The following FRRS1 variants were observed in gnomAD, a reference collection of about 807,000 sequenced individuals.
FRRS1 encodes ferric chelate reductase 1.
In FRRS1, 51 loss-of-function variants were observed where a neutral mutation model predicts 70.7. That is an observed-to-expected ratio of 0.72 (90% CI 0.58 to 0.91). The LOEUF (loss-of-function observed/expected upper bound fraction) is 0.91. Among genes scored for constraint, FRRS1 ranks in the 40% least tolerant of loss-of-function variants. The probability of loss-of-function intolerance (pLI) is 0.00; values close to 1 mark genes in which losing one functional copy is unlikely to be tolerated. For missense variants in FRRS1, 672 were observed against 726.0 expected, an observed-to-expected ratio of 0.93 and a Z score of 0.86; for synonymous variants, 225 against 238.7, an observed-to-expected ratio of 0.94 and a Z score of 0.53.
At chr1:99,752,605 A>C (rs1656624222) in intron 1 of FRRS1, among the ~76,000 whole-genome samples, 1 of 152,196 alleles carries the variant, frequency 6.6e-6, no homozygotes, top group Non-Finnish European at 1.5e-5. Flanking sequence ...TATAATGAAA[A>C]AGTTTAGAAA....
chr1:99,730,605 C>G (rs577270357), intron 7 of FRRS1, among the ~76,000 whole-genome samples: 1 of 152,096 alleles, frequency 6.6e-6, no homozygotes, highest in African/African-American at 2.4e-5. Flanking sequence ...AGGTGGCTCA[C>G]GCCTGTAGTC....
intron 5 of FRRS1, among the ~76,000 whole-genome samples, 154 bp from the exon 6 acceptor site, chr1:99,741,094 C>T (rs1166401108): frequency 6.6e-6 from 1 of 152,114 alleles, no homozygotes; most frequent in African/African-American, 2.4e-5. Context: ...AATCTCTAAC[C>T]ACTCTCTCCC....
At chr1:99,756,748 T>A (rs2788506) in intron 1 of FRRS1, among the ~76,000 whole-genome samples, 75,166 of 152,056 alleles carry the variant, frequency 0.49, 22,597 homozygotes, top group African/African-American at 0.85. Flanking sequence ...ACAATCTTTT[T>A]AAACCATGTC....
In FRRS1 at chr1:99,728,646, AAC is replaced by A; in HGVS notation, c.859-8_859-7del. On this transcript the variant is annotated splice_polypyrimidine_tract_variant and splice_region_variant and intron_variant, in intron 8 of 16. Coordinates refer to ENST00000646001, the MANE Select transcript of FRRS1 (RefSeq NM_001361041.2). The stretch of plus-strand genomic sequence containing the variant: ...GCCATATCCTCAAGGGTATCCTACA[AAC>A]ACACACAATGGGTCTTCTCAGCACT... 1 of 1,612,522 alleles carries A rather than the reference AAC, an allele frequency of 6.2e-7. No individual in the cohort carries two copies. The highest frequency in any genetic ancestry group is 8.5e-7 in the Non-Finnish European group (1 of 1,179,034).
rs370356988 is a variant in FRRS1 at position 99,728,569 on chromosome 1, G to A, written c.930C>T (p.Thr310=). 9.9e-6 allele frequency: 16 copies of A among 1,612,904 alleles called. No homozygotes were observed. Among genetic ancestry groups the A allele is most frequent in the African/African-American group, 2.7e-5 (2 of 74,862 alleles). Reference sequence around the variant, plus strand: ...CAAATCTATTCTTAACTCCAGGAAGGGTAATGTTTCTTCTGAAAGAACACT... The same window carrying A: ...CAAATCTATTCTTAACTCCAGGAAGAGTAATGTTTCTTCTGAAAGAACACT... ...VMQCSFRRNI[T]LPGVKNRFDL... The change falls in exon 9 of 17, where the codon ACC becomes ACT. Residue 310 remains threonine, a synonymous_variant. Transcript: ENST00000646001.
At position 99,715,805 on chromosome 1, in the gene FRRS1, C is replaced by T. The variant is rs1654494571; in HGVS notation, c.1237-133G>A. On this transcript the variant is annotated intron_variant, in intron 11 of 16. Transcript: ENST00000646001. ...CATGCATTCAACTGACATCTAATCACAGTTTGTAGCCAGGTTAAGAAAAAA... is the reference window on the plus strand; with the variant it reads ...CATGCATTCAACTGACATCTAATCATAGTTTGTAGCCAGGTTAAGAAAAAA... 4 of 518,422 alleles carry T rather than the reference C, an allele frequency of 7.7e-6. No individual in the cohort carries two copies. The South Asian group carries it at 8.4e-5, about 11-fold the overall frequency. 32.1% of individuals were successfully genotyped at this position (518,422 alleles called of 1,614,324 possible).
chr1:99,750,475 T>C (rs1395228056), intron 1 of FRRS1, among the ~76,000 whole-genome samples: 1 of 152,280 alleles, frequency 6.6e-6, no homozygotes, highest in East Asian at 1.9e-4. Flanking sequence ...ATGATTAAGA[T>C]GCTAAATGCT....
chr1:99,719,316 G>A (rs1654686772), intron 10 of FRRS1, among the ~76,000 whole-genome samples: 1 of 151,044 alleles, frequency 6.6e-6, no homozygotes, highest in African/African-American at 2.5e-5. Flanking sequence ...GTCTGAGGCA[G>A]GAGAATGGTG....
chr1:99,755,457 G>A (rs2131634), intron 1 of FRRS1, among the ~76,000 whole-genome samples: 75,066 of 151,828 alleles, frequency 0.49, 22,573 homozygotes, highest in African/African-American at 0.85. Flanking sequence ...GAGAGGGAAG[G>A]AAGGGAAGGA....
In FRRS1 at chr1:99,738,156, G is replaced by A. The variant is rs571175909; in HGVS notation, c.689C>T (p.Ser230Leu). ...GGGGCCGCTCATTTCAACCATCACC[G>A]ATTGGTCATCTCTTGTGAAGGACAA... ...VFLSFTRDDQ[S>L]VMVEMSGPSK... is the part of the protein sequence containing the mutation. The change falls in exon 7 of 17, where the codon TCG becomes TTG. Residue 230 changes from serine to leucine, a missense_variant. Coordinates refer to ENST00000646001, the MANE Select transcript of FRRS1 (RefSeq NM_001361041.2). 32 of 1,613,726 alleles carry A rather than the reference G, an allele frequency of 2.0e-5. No individual in the cohort carries two copies. The highest frequency in any genetic ancestry group is 2.4e-5 in the Non-Finnish European group (28 of 1,179,684).
chr1:99,717,966 T>A (rs1055242001), intron 10 of FRRS1, among the ~76,000 whole-genome samples: 1 of 152,136 alleles, frequency 6.6e-6, no homozygotes, highest in Non-Finnish European at 1.5e-5. Flanking sequence ...CAAAATCTTC[T>A]CACATCTCAC....
At chr1:99,715,823 A>AG in intron 11 of FRRS1, 151 bp from the exon 12 acceptor site, 6 of 543,226 alleles carry the variant, frequency 1.1e-5, no homozygotes, top group Admixed American at 6.7e-5. Flanking sequence ...AGCCAGGTTA[A>AG]GAAAAAAAAA....
rs754466838 is a variant in FRRS1 at position 99,738,191 on chromosome 1, G to A, written c.654C>T (p.Ser218=). The A allele has an allele frequency of 1.2e-6, 2 of 1,613,892 alleles. No homozygotes were observed. Among genetic ancestry groups the A allele is most frequent in the Non-Finnish European group, 1.7e-6 (2 of 1,179,792 alleles). ...PLNCDPEKEA[S]CVFLSFTRDD... ...CTCTTGTGAAGGACAAGAAGACACA[G>A]GAAGCCTCCTTCTCTGGGTCACAGT... Residue 218 remains serine, a synonymous_variant, in exon 7 of 17, where the codon TCC becomes TCT. Coordinates refer to ENST00000646001, the MANE Select transcript of FRRS1 (RefSeq NM_001361041.2).
At chr1:99,761,554 A>T (rs1657112622) in intron 1 of FRRS1, among the ~76,000 whole-genome samples, 1 of 152,224 alleles carries the variant, frequency 6.6e-6, no homozygotes, top group Non-Finnish European at 1.5e-5. Flanking sequence ...TTAAAACAAA[A>T]TTCAGTGCTA....
chr1:99,715,389 T>A (rs748716564), intron 12 of FRRS1, among the ~76,000 whole-genome samples, 197 bp downstream of exon 12: 1 of 152,188 alleles, frequency 6.6e-6, no homozygotes, highest in Non-Finnish European at 1.5e-5. Flanking sequence ...ATACATTTCA[T>A]TGCTAAGTAA....
At chr1:99,751,321 T>A (rs1388395216) in intron 1 of FRRS1, among the ~76,000 whole-genome samples, 1 of 152,158 alleles carries the variant, frequency 6.6e-6, no homozygotes, top group Admixed American at 6.5e-5. Context: ...CTTTCCTAGT[T>A]CTCCAACTTG....
intron 11 of FRRS1, among the ~76,000 whole-genome samples, chr1:99,716,342 TAC>T (rs774204543): frequency 6.6e-6 from 1 of 152,172 alleles, no homozygotes; most frequent in Non-Finnish European, 1.5e-5. Flanking sequence ...GACATGTATG[TAC>T]ACACATCATC....
At chr1:99,712,238 T>A in intron 13 of FRRS1, 75 bp from the exon 14 acceptor site, 1 of 1,078,406 alleles carries the variant, frequency 9.3e-7, no homozygotes, top group Non-Finnish European at 1.4e-6. Context: ...ATAAAAAGCA[T>A]GTAATTTCCT....
intron 6 of FRRS1, 58 bp downstream of exon 6, chr1:99,740,735 C>T (rs149472091): frequency 2.4e-5 from 30 of 1,226,118 alleles, no homozygotes; most frequent in Admixed American, 6.9e-5. Flanking sequence ...AGTTCGAGAC[C>T]GGCCTGGGCA....
Sources: gnomAD v4.1 joint callset for allele counts (sites outside exome capture counted in the v4.1 genomes callset) on GRCh38, gnomAD v4.1.1 for gene constraint, MANE v1.5 for transcripts, NCBI Gene and HGNC (gene_info 2026-07-23, HGNC 2026-07-21) for gene names.